The following WDPCP variants were observed in gnomAD, a reference collection of about 807,000 sequenced individuals.
WDPCP encodes WD repeat-containing and planar cell polarity effector protein fritz homolog.
A neutral mutation model predicts 93.1 loss-of-function variants in WDPCP; 71 were observed. The observed-to-expected ratio is 0.76, with a 90% CI of 0.63 to 0.93. WDPCP has a LOEUF of 0.93. Among genes scored for constraint, WDPCP ranks in the 40% least tolerant of loss-of-function variants. The pLI is 0.00. For missense variants in WDPCP, 844 were observed against 887.4 expected, an observed-to-expected ratio of 0.95 and a Z score of 0.62; for synonymous variants, 315 against 315.0, an observed-to-expected ratio of 1.00 and a Z score of 0.00.
At chr2:63,455,350 C>G (rs977560551) in intron 6 of WDPCP, among the ~76,000 whole-genome samples, 2 of 150,870 alleles carry the variant, frequency 1.3e-5, no homozygotes, top group African/African-American at 2.4e-5. Flanking sequence ...ACTGTTTGAA[C>G]AGATTTTTAA....
Position 63,374,810 on chromosome 2 carries a change from T to C in WDPCP, c.1748+3576A>G, listed in dbSNP as rs184240151. 9.0e-4 allele frequency among the ~76,000 whole-genome samples: 130 copies of C among 145,142 alleles called. 1 individual carries two copies. In the East Asian group the frequency reaches 0.012, roughly 13 times the overall value. On this transcript the variant is annotated intron_variant, in intron 12 of 17. Transcript: ENST00000272321. Reference sequence around the variant, plus strand: ...ATTCTGACTTTATCGTTTTACAATATTGCTTATCACATATTTACCTATCTC... The same window carrying C: ...ATTCTGACTTTATCGTTTTACAATACTGCTTATCACATATTTACCTATCTC...
intron 2 of WDPCP, among the ~76,000 whole-genome samples, chr2:63,737,068 A>G (rs577800812): frequency 1.4e-4 from 22 of 152,274 alleles, no homozygotes; most frequent in Admixed American, 5.9e-4. Context: ...AAAAATGTAC[A>G]GGGATGTCTC....
intron 2 of WDPCP, among the ~76,000 whole-genome samples, chr2:63,652,181 A>G (rs1710117307): frequency 6.6e-6 from 1 of 152,202 alleles, no homozygotes; most frequent in South Asian, 2.1e-4. Context: ...AAGCTCTAGC[A>G]AGAACAGAAC....
chr2:63,297,484 T>A (rs1208098961), intron 13 of WDPCP, among the ~76,000 whole-genome samples: 1 of 152,190 alleles, frequency 6.6e-6, no homozygotes, highest in African/African-American at 2.4e-5. Context: ...CTCTCGTTCT[T>A]ATCATGCCAT....
rs558549033 is a variant in WDPCP, at chr2:63,594,669, G to A, written n.488+55990C>T. ...ATCTGTATTTAGTTGTACACAAATT[G>A]TTAAACAGTGAAGGAATATGTAATC... is the stretch of plus-strand genomic sequence containing the variant. On this transcript the variant is annotated intron_variant and non_coding_transcript_variant, in intron 3 of 4. Transcript: ENST00000467687. The A allele has an allele frequency of 4.2e-6, 4 of 952,846 alleles. No homozygotes were observed. The African/African-American group carries it at 5.0e-5, about 12-fold the overall frequency. 59.0% of individuals were successfully genotyped at this position (952,846 alleles called of 1,614,324 possible). A position where few individuals can be genotyped will look rare whatever the true frequency, so the allele number is the denominator to read the frequency against.
At chr2:63,718,149 A>T (rs1205969563) in intron 2 of WDPCP, among the ~76,000 whole-genome samples, 1 of 152,032 alleles carries the variant, frequency 6.6e-6, no homozygotes, top group African/African-American at 2.4e-5. Flanking sequence ...TTCTTTCTCC[A>T]ATCATCCATT....
chr2:63,797,417 C>G (rs184353635), intron 2 of WDPCP, among the ~76,000 whole-genome samples: 2 of 151,940 alleles, frequency 1.3e-5, no homozygotes, highest in Non-Finnish European at 2.9e-5. Context: ...GGCCCCTGGA[C>G]GGCATTTCTG....
intron 12 of WDPCP, among the ~76,000 whole-genome samples, chr2:63,349,339 TTA>T (rs1269141531): frequency 6.6e-6 from 1 of 152,156 alleles, no homozygotes; most frequent in Non-Finnish European, 1.5e-5. Flanking sequence ...TACAATTTTA[TTA>T]TTCTAAGTCA....
Position 63,588,409 on chromosome 2 carries a change from C to T in WDPCP, c.-138G>A. On this transcript the variant is annotated 5_prime_UTR_variant, in exon 1 of 18. Transcript: ENST00000272321. Reference sequence around the variant, plus strand: ...GTTTCCTCAGGTGCTACAAAGCAGCCAGGGTGTGCGTGCGCTCCCGCCTCG... The same window carrying T: ...GTTTCCTCAGGTGCTACAAAGCAGCTAGGGTGTGCGTGCGCTCCCGCCTCG... The T allele has an allele frequency of 9.7e-7, 1 of 1,026,214 alleles. No individual in the cohort carries two copies. The highest frequency in any genetic ancestry group is 2.0e-5 in the Admixed American group (1 of 50,306). The allele number at this position is 1,026,214 out of a possible 1,614,324, so 63.6% of individuals were successfully genotyped here.
chr2:63,191,413 T>C (rs1675034759), intron 14 of WDPCP, among the ~76,000 whole-genome samples: 1 of 151,982 alleles, frequency 6.6e-6, no homozygotes, highest in Non-Finnish European at 1.5e-5. Context: ...AAGAAAAAAT[T>C]GGGACATTTA....
chr2:63,714,358 G>A (rs1211217511), intron 2 of WDPCP, among the ~76,000 whole-genome samples: 3 of 151,988 alleles, frequency 2.0e-5, no homozygotes, highest in Non-Finnish European at 4.4e-5. Context: ...TTGAGCCACC[G>A]CGCCTGGCCT....
intron 15 of WDPCP, among the ~76,000 whole-genome samples, chr2:63,158,934 C>T (rs1408472080): frequency 5.4e-5 from 7 of 128,662 alleles, no homozygotes; most frequent in Admixed American, 9.3e-5. Context: ...TTCAGGAGTT[C>T]GAGACCAGCC....
chr2:63,395,868 C>T (rs1219398975), intron 10 of WDPCP, among the ~76,000 whole-genome samples: 2 of 152,084 alleles, frequency 1.3e-5, no homozygotes, highest in African/African-American at 4.8e-5. Context: ...GCTGGGATTA[C>T]AGGTATGTGC....
At chr2:63,221,736 G>C (rs1014987628) in intron 14 of WDPCP, among the ~76,000 whole-genome samples, 6 of 152,100 alleles carry the variant, frequency 3.9e-5, no homozygotes, top group Non-Finnish European at 2.9e-5. Flanking sequence ...GACTCTAAAA[G>C]GTTCTCCATT....
intron 2 of WDPCP, among the ~76,000 whole-genome samples, chr2:63,798,612 G>A (rs550960739): frequency 6.6e-6 from 1 of 152,000 alleles, no homozygotes; most frequent in Admixed American, 6.5e-5. Context: ...ATCATATCAT[G>A]AGAGAAAAAC....
At chr2:63,754,843 A>G (rs1456964435) in intron 2 of WDPCP, among the ~76,000 whole-genome samples, 1 of 152,132 alleles carries the variant, frequency 6.6e-6, no homozygotes, top group Non-Finnish European at 1.5e-5. Context: ...ATTAATATTT[A>G]TTATCTCATT....
chr2:63,293,776 G>A (rs1684624964), intron 13 of WDPCP, among the ~76,000 whole-genome samples: 1 of 152,022 alleles, frequency 6.6e-6, no homozygotes, highest in Admixed American at 6.6e-5. Flanking sequence ...AAAAGAATCA[G>A]GAACTTTGAA....
At chr2:63,175,652 A>C (rs541343247) in intron 14 of WDPCP, among the ~76,000 whole-genome samples, 13 of 152,140 alleles carry the variant, frequency 8.5e-5, no homozygotes, top group Non-Finnish European at 1.6e-4. Context: ...GAATTTGATA[A>C]CTTTAGATCT....
At chr2:63,344,370 C>G (rs527434931) in intron 12 of WDPCP, among the ~76,000 whole-genome samples, 108 of 152,222 alleles carry the variant, frequency 7.1e-4, no homozygotes, top group African/African-American at 2.2e-3. Flanking sequence ...AGAACTAGGG[C>G]ACTCCTTCAC....
Sources: gnomAD v4.1 joint callset for allele counts (sites outside exome capture counted in the v4.1 genomes callset) on GRCh38, gnomAD v4.1.1 for gene constraint, MANE v1.5 for transcripts, NCBI Gene and HGNC (gene_info 2026-07-23, HGNC 2026-07-21) for gene names.